The following SLC25A45 variants were observed in gnomAD, a reference collection of about 807,000 sequenced individuals.
SLC25A45 encodes the protein solute carrier family 25 member 45, also known as methylated amino-acid transporter SLC25A45.
In SLC25A45, 22 loss-of-function variants were observed where a neutral mutation model predicts 23.0. The ratio of observed to expected loss-of-function variants is 0.95; its 90% confidence interval spans 0.68 to 1.36. SLC25A45 has a LOEUF of 1.36. SLC25A45 is among the 40% of genes most tolerant of loss of function. The probability of loss-of-function intolerance (pLI) is 0.00; values close to 1 mark genes in which losing one functional copy is unlikely to be tolerated. For missense variants in SLC25A45, 355 were observed against 383.5 expected (o/e 0.93, Z 0.62); for synonymous variants, 136 against 155.0 (o/e 0.88, Z 0.91).
chr11:65,380,156 C>T lies in SLC25A45; in HGVS notation c.57G>A (p.Leu19=), dbSNP rs1234784529. The T allele has an allele frequency of 1.2e-5, 19 of 1,614,204 alleles. No homozygotes were observed. The highest frequency in any genetic ancestry group is 1.5e-5 in the Non-Finnish European group (18 of 1,180,028). ...CCTTTACAGTGTCAAACGGGTGTCC[C>T]AGGACCAAGCCCAGAGCGCCTGTGG... ...GWISGALGLV[L]GHPFDTVKVR... is the part of the protein sequence containing the mutation. Residue 19 remains leucine (L), a synonymous_variant, in exon 3 of 7, where the codon CTG becomes CTA. Transcript: ENST00000398802.
At chr11:65,381,279 C>A (rs1238063023) in intron 2 of SLC25A45, 2 of 153,812 alleles carry the variant, frequency 1.3e-5, no homozygotes, top group Middle Eastern at 3.4e-3. Flanking sequence ...CACAGGCGTG[C>A]GCCACCGCGC....
intron 2 of SLC25A45, chr11:65,380,576 G>A (rs747367182): frequency 1.1e-4 from 141 of 1,301,832 alleles, no homozygotes; most frequent in African/African-American, 4.5e-4. Context: ...TCATAATGTC[G>A]TCGCCGGGAT....
At chr11:65,379,010 C>T (rs1299498209) in intron 5 of SLC25A45, 2 of 281,182 alleles carry the variant, frequency 7.1e-6, no homozygotes, top group Non-Finnish European at 1.4e-5. Flanking sequence ...GGGCTCACAG[C>T]TCTGCGGGGT....
chr11:65,379,730 C>T (rs1855444461), intron 4 of SLC25A45, 137 bp downstream of exon 4: 2 of 1,297,708 alleles, frequency 1.5e-6, no homozygotes, highest in African/African-American at 1.5e-5. Flanking sequence ...GCTAAGCTAC[C>T]ACCCAGGCCC....
At chr11:65,376,725 C>T in intron 6 of SLC25A45, 50 bp from the exon 7 acceptor site, 2 of 1,613,762 alleles carry the variant, frequency 1.2e-6, no homozygotes, top group Non-Finnish European at 1.7e-6. Context: ...ACAGAGCATC[C>T]TCCCCAGACC....
At chr11:65,380,492 C>T (rs1346301203) in intron 2 of SLC25A45, 11 of 1,361,280 alleles carry the variant, frequency 8.1e-6, no homozygotes, top group Non-Finnish European at 1.1e-5. Flanking sequence ...ATCCCACCGC[C>T]TATGAGCCGC....
At chr11:65,379,612 T>G in intron 4 of SLC25A45, 51 bp from the exon 5 acceptor site, 1 of 1,537,418 alleles carries the variant, frequency 6.5e-7, no homozygotes, top group East Asian at 2.3e-5. Flanking sequence ...GCCTCCCCTT[T>G]GTCCTCTCCA....
At chr11:65,378,896 G>C (rs1855367566) in intron 5 of SLC25A45, 1 of 164,630 alleles carries the variant, frequency 6.1e-6, no homozygotes, top group African/African-American at 2.4e-5. Flanking sequence ...TGGGCCTCAG[G>C]TGAGGCTCCC....
At chr11:65,377,112 C>A in intron 5 of SLC25A45, 36 bp from the exon 6 acceptor site, 1 of 1,595,470 alleles carries the variant, frequency 6.3e-7, no homozygotes, top group Non-Finnish European at 8.5e-7. Context: ...CCGGGTGGGG[C>A]TTTGGGCTGG....
Position 65,376,870 on chromosome 11 carries a change from G to T in SLC25A45, c.546C>A (p.Phe182Leu). ...GGCGACAGAGCCCTTCATAGGTGAT[G>T]AAGTAGATCCCCACCGTGGGGGTGT... Reference protein sequence around the residue: ...LRDTPTVGIYFITYEGLCRQY... With the variant: ...LRDTPTVGIYLITYEGLCRQY... Residue 182 changes from phenylalanine (F) to leucine (L), a missense_variant, in exon 6 of 7, where the codon TTC (phenylalanine) becomes TTA (leucine). Physicochemically the swap from Phe to Leu is conservative, Grantham distance 22 (BLOSUM62 0). Coordinates refer to ENST00000398802, the MANE Select transcript of SLC25A45 (RefSeq NM_182556.4). The T allele has an allele frequency of 6.2e-7, 1 of 1,614,230 alleles. No homozygotes were observed. The highest frequency in any genetic ancestry group is 2.2e-5 in the East Asian group (1 of 44,886).
chr11:65,382,258 C>T lies in SLC25A45; in HGVS notation c.-19+228G>A, dbSNP rs1056657990. On this transcript the variant is annotated intron_variant, in intron 1 of 6. Transcript: ENST00000398802. The surrounding 1 kb of genome is among the most constrained non-coding windows in gnomAD (Gnocchi z 4.4). The stretch of plus-strand genomic sequence containing the variant: ...TCTGAGGATGGCAACTGGGTTCCTG[C>T]CCCATGGTCGGGCCCCTCCAGGGCT... 5 of 468,694 alleles carry T rather than the reference C, an allele frequency of 1.1e-5. No individual in the cohort carries two copies. The highest frequency in any genetic ancestry group is 2.0e-5 in the Non-Finnish European group (5 of 254,144). The allele number at this position is 468,694 out of a possible 1,614,324, so 29.0% of individuals were successfully genotyped here.
chr11:65,377,401 C>T, intron 5 of SLC25A45: 1 of 1,197,648 alleles, frequency 8.3e-7, no homozygotes, highest in Non-Finnish European at 1.0e-6. Flanking sequence ...TTCTGGCCTC[C>T]CTAAAGCCGG....
In SLC25A45 at chr11:65,376,978, C is replaced by A. The variant is rs759371331; in HGVS notation, c.438G>T (p.Gly146=). ...AGATGGAGGCTGCACAGTGCACGGGCCCCTGGTACCGGGGTGGGGGGCTCC... is the reference window on the plus strand; with the variant it reads ...AGATGGAGGCTGCACAGTGCACGGGACCCTGGTACCGGGGTGGGGGGCTCC... ...QPGSPPPRYQ[G]PVHCAASIFR... The change falls in exon 6 of 7, where the codon GGG becomes GGT. Residue 146 remains glycine (G), a synonymous_variant. Coordinates refer to ENST00000398802, the MANE Select transcript of SLC25A45 (RefSeq NM_182556.4). The A allele has an allele frequency of 1.1e-5, 17 of 1,613,044 alleles. No individual in the cohort carries two copies. Among genetic ancestry groups the A allele is most frequent in the Non-Finnish European group, 1.4e-5 (16 of 1,179,526 alleles).
Position 65,376,910 on chromosome 11 carries a change from GC to G in SLC25A45, c.505del (p.Ala169ProfsTer2). 18 of 1,613,520 alleles carry G rather than the reference GC, an allele frequency of 1.1e-5. No individual in the cohort carries two copies. The highest frequency in any genetic ancestry group is 1.5e-5 in the Non-Finnish European group (18 of 1,179,470). On this transcript the variant is annotated frameshift_variant, in exon 6 of 7. Transcript: ENST00000398802. LOFTEE classifies it high-confidence loss of function. ...CGTGGGGGTGTCCCTCAGCGTCAGG[GC>G]CCAGGCTCCTCGGAACAGCCCCCGG... ...GPRGLFRGAWALTLRDTPTVG... is the reference protein window; with the variant it reads ...GPRGLFRGAWXLTLRDTPTVG...
Position 65,376,446 on chromosome 11 carries a change from G to C in SLC25A45, c.828C>G (p.Thr276=). The C allele has an allele frequency of 6.2e-7, 1 of 1,614,164 alleles. No homozygotes were observed. Among genetic ancestry groups the C allele is most frequent in the Non-Finnish European group, 8.5e-7 (1 of 1,179,990 alleles). The stretch of plus-strand genomic sequence containing the variant: ...GGAGGAGATATTCGTAGCTGAGGAA[G>C]GTGACAGCATTGACGGGAAAGGCGC... ...SARAFPVNAV[T]FLSYEYLLRW... is the part of the protein sequence containing the mutation. The change falls in exon 7 of 7, where the codon ACC becomes ACG. Residue 276 remains threonine, a synonymous_variant. Transcript: ENST00000398802.
chr11:65,379,437 C>T lies in SLC25A45; in HGVS notation c.278G>A (p.Arg93Gln), dbSNP rs753412095. ...VLTATSHQER[R>Q]AQPPSYMHIF... ...GTGCATGTAGCTGGGCGGCTGGGCC[C>T]GCCGCTCCTGGTGGGAGGTGGCCGT... The change falls in exon 5 of 7, where the codon CGG becomes CAG. Residue 93 changes from arginine to glutamine, a missense_variant. Physicochemically the swap from Arg to Gln is conservative, Grantham distance 43. Transcript: ENST00000398802. 52 of 1,613,606 alleles carry T rather than the reference C, an allele frequency of 3.2e-5. No homozygotes were observed. Among genetic ancestry groups the T allele is most frequent in the East Asian group, 2.4e-4 (11 of 44,906 alleles).
intron 2 of SLC25A45, chr11:65,380,898 G>T: frequency 3.8e-6 from 1 of 261,142 alleles, no homozygotes; most frequent in South Asian, 3.5e-5. Flanking sequence ...GGGGACTCAG[G>T]ACAGCAGGTG....
Position 65,376,156 on chromosome 11 carries a change from T to C in SLC25A45, c.*251A>G. On this transcript the variant is annotated 3_prime_UTR_variant, in exon 7 of 7. Coordinates refer to ENST00000398802, the MANE Select transcript of SLC25A45 (RefSeq NM_182556.4). ...CACCACTTGCCAGCTCACTTGTGCC[T>C]CATGCTCCCTGTTTCACAGATGTGG... The C allele has an allele frequency of 1.9e-6, 1 of 519,712 alleles. No homozygotes were observed. The highest frequency in any genetic ancestry group is 3.5e-6 in the Non-Finnish European group (1 of 287,566). The allele number at this position is 519,712 out of a possible 1,614,324, so 32.2% of individuals were successfully genotyped here.
In SLC25A45 at chr11:65,376,627, C is replaced by A. The variant is rs1200031693; in HGVS notation, c.647G>T (p.Trp216Leu). The A allele has an allele frequency of 6.2e-6, 10 of 1,614,030 alleles. No homozygotes were observed. The highest frequency in any genetic ancestry group is 7.6e-6 in the Non-Finnish European group (9 of 1,179,926). Residue 216 changes from tryptophan (W) to leucine (L), a missense_variant, in exon 7 of 7, where the codon TGG becomes TTG. By Grantham distance (61) the Trp-to-Leu change is moderately conservative. Transcript: ENST00000398802. ...VAGGFAGIASWVAATPLDMIK... is the reference protein window; with the variant it reads ...VAGGFAGIASLVAATPLDMIK... ...CATGTCTAAGGGCGTGGCTGCCACCCAGGAAGCAATGCCTGCAAAGCCCCC... is the reference window on the plus strand; with the variant it reads ...CATGTCTAAGGGCGTGGCTGCCACCAAGGAAGCAATGCCTGCAAAGCCCCC...
Sources: gnomAD v4.1 joint callset for allele counts on GRCh38, gnomAD v4.1.1 for gene constraint, Gnocchi (gnomAD v3.1) non-coding constraint, MANE v1.5 for transcripts, NCBI Gene and HGNC (gene_info 2026-07-23, HGNC 2026-07-21) for gene names.